The following ADGRA3 variants were observed in gnomAD, a reference collection of about 807,000 sequenced individuals.
ADGRA3 encodes adhesion G protein-coupled receptor A3.
Under a neutral mutation model 119.8 loss-of-function variants are expected in ADGRA3, and 56 were observed. That is an observed-to-expected ratio of 0.47 (90% CI 0.38 to 0.58). The LOEUF (loss-of-function observed/expected upper bound fraction) is 0.58, where lower values mean the gene tolerates loss of function less well. Among genes scored for constraint, ADGRA3 ranks in the 20% least tolerant of loss-of-function variants. The pLI, the probability that ADGRA3 is intolerant of heterozygous loss-of-function variation, is 0.00. For synonymous variants in ADGRA3, 607 were observed against 623.8 expected, an observed-to-expected ratio of 0.97 and a Z score of 0.40; for missense variants, 1,516 against 1,649.0, an observed-to-expected ratio of 0.92 and a Z score of 1.40.
At chr4:22,492,494 G>A (rs1320071071) in intron 1 of ADGRA3, among the ~76,000 whole-genome samples, 1 of 152,144 alleles carries the variant, frequency 6.6e-6, no homozygotes, top group Non-Finnish European at 1.5e-5. Flanking sequence ...GGGTGATGGG[G>A]AAAACAGAAC....
At chr4:22,510,252 A>G (rs1277528782) in intron 1 of ADGRA3, among the ~76,000 whole-genome samples, 1 of 152,086 alleles carries the variant, frequency 6.6e-6, no homozygotes, top group Non-Finnish European at 1.5e-5. Context: ...GGCCACCCAA[A>G]TTGGCTTATT....
intron 4 of ADGRA3, among the ~76,000 whole-genome samples, chr4:22,448,869 A>T (rs2012603): frequency 0.98 from 149,951 of 152,340 alleles, 73,857 homozygotes; most frequent in East Asian, 1. Context: ...AGGAAAGGGA[A>T]GTCTTTTATT....
rs1301332906 is a variant in ADGRA3, at chr4:22,466,663, G to A, written c.330-4855C>T. Among the ~76,000 whole-genome samples, 12 of 150,910 alleles carry A rather than the reference G, an allele frequency of 8.0e-5. 1 individual carries two copies. The highest frequency in any genetic ancestry group is 5.9e-4 in the Admixed American group (9 of 15,148). ...CCCAGGAGGCAGAGGCTGCAGTGCC[G>A]AGATCACACCACCGCACTCCAGCTT... On this transcript the variant is annotated intron_variant, in intron 2 of 18. Transcript: ENST00000334304.
At chr4:22,403,879 C>T (rs1267949664) in intron 14 of ADGRA3, among the ~76,000 whole-genome samples, 1 of 152,206 alleles carries the variant, frequency 6.6e-6, no homozygotes, top group Non-Finnish European at 1.5e-5. Flanking sequence ...TTATTAGCCC[C>T]ATTTTATATG....
intron 2 of ADGRA3, among the ~76,000 whole-genome samples, chr4:22,467,535 CTGAG>C (rs1397113332): frequency 2.6e-5 from 4 of 152,172 alleles, no homozygotes; most frequent in Admixed American, 6.5e-5. Flanking sequence ...ACAACAGGAA[CTGAG>C]TTAGTTAGCT....
intron 11 of ADGRA3, 90 bp downstream of exon 11, chr4:22,424,101 C>T (rs1715827663): frequency 9.7e-7 from 1 of 1,035,450 alleles, no homozygotes; most frequent in Admixed American, 3.0e-5. Flanking sequence ...GATATCCACC[C>T]CATAATGGAG....
intron 10 of ADGRA3, among the ~76,000 whole-genome samples, chr4:22,428,714 A>G (rs1324851487): frequency 6.6e-6 from 1 of 152,172 alleles, no homozygotes; most frequent in Non-Finnish European, 1.5e-5. Flanking sequence ...TTAATGATGG[A>G]ACTGCTGCAT....
chr4:22,455,858 T>C (rs570914108), intron 3 of ADGRA3: 1 of 1,275,822 alleles, frequency 7.8e-7, no homozygotes, highest in East Asian at 5.6e-5. Flanking sequence ...CTTAGCCCTA[T>C]GCAAGAAAAC....
chr4:22,403,305 C>T (rs982736313), intron 14 of ADGRA3, among the ~76,000 whole-genome samples: 7 of 152,160 alleles, frequency 4.6e-5, no homozygotes, highest in Middle Eastern at 3.4e-3. Context: ...GGAGACATAA[C>T]GGTAAGACAT....
chr4:22,488,591 G>A (rs1414609300), intron 1 of ADGRA3, among the ~76,000 whole-genome samples: 1 of 148,200 alleles, frequency 6.7e-6, no homozygotes, highest in East Asian at 2.2e-4. Context: ...AGAAAAGCAT[G>A]GCTACTTCGG....
In ADGRA3 at chr4:22,430,149, G is replaced by A. The variant is rs576872477; in HGVS notation, c.1443+5162C>T. ...CCTCTCCAGCCATGTGGAACTTTAA[G>A]TCCATTAAACCACTTTTTCTTCCCA... is the stretch of plus-strand genomic sequence containing the variant. On this transcript the variant is annotated intron_variant, in intron 10 of 18. Coordinates refer to ENST00000334304, the MANE Select transcript of ADGRA3 (RefSeq NM_145290.4). Among the ~76,000 whole-genome samples, 191 of 152,288 alleles carry A rather than the reference G, an allele frequency of 1.3e-3. 1 individual carries two copies. The highest frequency in any genetic ancestry group is 4.3e-3 in the African/African-American group (179 of 41,546).
In ADGRA3 at chr4:22,444,410, C is replaced by G. The variant is rs192023358; in HGVS notation, c.706+563G>C. ...AAGCAATTCTCCTGCCTCAGCCTCT[C>G]GAGTAGCTGAAATTACAGTCACCTG... On this transcript the variant is annotated intron_variant, in intron 6 of 18. Transcript: ENST00000334304. 1.3e-3 allele frequency among the ~76,000 whole-genome samples: 202 copies of G among 152,122 alleles called. 1 individual carries two copies. Among genetic ancestry groups the G allele is most frequent in the Non-Finnish European group, 1.8e-3 (121 of 67,998 alleles).
rs867684598 is a variant in ADGRA3, at chr4:22,515,904, G to C, written c.-120C>G. 1 of 619,414 alleles carries C rather than the reference G, an allele frequency of 1.6e-6. No individual in the cohort carries two copies. The allele number at this position is 619,414 out of a possible 1,614,324, so 38.4% of individuals were successfully genotyped here. The stretch of plus-strand genomic sequence containing the variant: ...GGCGACCGGAGCCTTATGGCGGCCG[G>C]AGGACGGGCCTTCCCCGGCGCGGAC... On this transcript the variant is annotated 5_prime_UTR_variant, in exon 1 of 19. Coordinates refer to ENST00000334304, the MANE Select transcript of ADGRA3 (RefSeq NM_145290.4).
intron 1 of ADGRA3, among the ~76,000 whole-genome samples, chr4:22,479,203 C>T (rs1050645960): frequency 2.0e-5 from 3 of 152,114 alleles, no homozygotes; most frequent in African/African-American, 4.8e-5. Context: ...GTGGCTCACG[C>T]CTGTAATCCC....
chr4:22,449,846 C>CAA lies in ADGRA3; in HGVS notation c.474-2337_474-2336dup, dbSNP rs35006609. On this transcript the variant is annotated intron_variant, in intron 4 of 18. Coordinates refer to ENST00000334304, the MANE Select transcript of ADGRA3 (RefSeq NM_145290.4). ...TGGGTAACAGAGTGAAACTCTGTCT[C>CAA]AAAAAAAAAAAAAAATGAATTGCAT... 7.1e-3 allele frequency among the ~76,000 whole-genome samples: 836 copies of CAA among 117,784 alleles called. 9 individuals carry two copies. The highest frequency in any genetic ancestry group is 0.013 in the African/African-American group (434 of 32,308). The allele number at this position is 117,784 out of a possible 152,430, so 77.3% of individuals were successfully genotyped here.
At chr4:22,456,955 A>G (rs16872671) in intron 3 of ADGRA3, among the ~76,000 whole-genome samples, 4,494 of 152,140 alleles carry the variant, frequency 0.03, 225 homozygotes, top group African/African-American at 0.1. Flanking sequence ...TTTTCCTTTT[A>G]ATTCTGGGTT....
intron 1 of ADGRA3, among the ~76,000 whole-genome samples, chr4:22,490,965 T>C (rs1183379580): frequency 6.6e-6 from 1 of 151,634 alleles, no homozygotes; most frequent in African/African-American, 2.4e-5. Flanking sequence ...GAGATACCAA[T>C]AGTGAGGGTG....
rs368712033 is a variant in ADGRA3, at chr4:22,416,687, CT to C, written c.1810-2874del. Among the ~76,000 whole-genome samples, 25 of 152,216 alleles carry C rather than the reference CT, an allele frequency of 1.6e-4. No homozygotes were observed. The East Asian group carries it at 4.4e-3, about 27-fold the overall frequency. ...CCTTAACTAAATTGCCAAGAATAAT[CT>C]AGAACGTCATCATGTTTTGACTTCT... On this transcript the variant is annotated intron_variant, in intron 12 of 18. Transcript: ENST00000334304.
chr4:22,401,716 C>T (rs28578701), intron 15 of ADGRA3, among the ~76,000 whole-genome samples, 162 bp from the exon 16 acceptor site: 4,660 of 152,156 alleles, frequency 0.031, 174 homozygotes, highest in African/African-American at 0.076. Flanking sequence ...CATACACACA[C>T]GCACAGATCT....
Sources: allele counts gnomAD v4.1 joint callset (sites outside exome capture counted in the v4.1 genomes callset), GRCh38; gene constraint gnomAD v4.1.1; transcripts MANE v1.5; gene names NCBI Gene and HGNC (gene_info 2026-07-23, HGNC 2026-07-21).